C13orf46: variants seen among roughly 807,000 people sequenced by gnomAD.
The protein encoded by C13orf46 is uncharacterized protein C13orf46.
At chr13:113,959,220 T>C (rs2052568082) in intron 6 of C13orf46, among the ~76,000 whole-genome samples, 1 of 152,078 alleles carries the variant, frequency 6.6e-6, no homozygotes, top group East Asian at 1.9e-4. Flanking sequence ...TGCAGTGAGC[T>C]GGGAACACAC....
the C13orf46 span, among the ~76,000 whole-genome samples, chr13:113,939,903 GTCA>G: frequency 6.6e-6 from 1 of 152,216 alleles, no homozygotes; most frequent in African/African-American, 2.4e-5. Flanking sequence ...ACTGGCCTGG[GTCA>G]TCAAGAAACC....
the C13orf46 span, among the ~76,000 whole-genome samples, chr13:113,930,237 A>G: frequency 7.2e-5 from 11 of 152,234 alleles, no homozygotes; most frequent in Non-Finnish European, 1.3e-4. Context: ...CAAGCCCATC[A>G]TCAAACACAC....
downstream of C13orf46, among the ~76,000 whole-genome samples, chr13:113,952,208 C>A (rs1015624437): frequency 2.6e-5 from 4 of 152,188 alleles, no homozygotes; most frequent in Non-Finnish European, 4.4e-5. Context: ...CCGGCAGGGA[C>A]ACAGCCAAGG....
the C13orf46 span, among the ~76,000 whole-genome samples, chr13:113,930,268 G>A: frequency 2.0e-5 from 3 of 152,194 alleles, no homozygotes; most frequent in Non-Finnish European, 4.4e-5. Context: ...ACTTCAGCAG[G>A]ATTTGTGCAC....
chr13:113,946,140 C>A, the C13orf46 span, among the ~76,000 whole-genome samples: 1 of 152,210 alleles, frequency 6.6e-6, no homozygotes, highest in African/African-American at 2.4e-5. Context: ...CAGTGCAGAA[C>A]GGGTTTGGAT....
chr13:113,959,508 G>C (rs910272450), intron 6 of C13orf46, among the ~76,000 whole-genome samples: 34 of 152,308 alleles, frequency 2.2e-4, no homozygotes, highest in African/African-American at 6.7e-4. Flanking sequence ...ACAGGCACTG[G>C]ACAACCAACC....
In C13orf46 at chr13:113,965,003, A is replaced by C. The variant is rs1242995711; in HGVS notation, c.505-9T>G. ...TTGGCATCGGTGACCACCTGTGGGGAGTGGAGACATTTAAGGGATGGGAGG... is the reference window on the plus strand; with the variant it reads ...TTGGCATCGGTGACCACCTGTGGGGCGTGGAGACATTTAAGGGATGGGAGG... On this transcript the variant is annotated splice_polypyrimidine_tract_variant and intron_variant, in intron 5 of 6. Transcript: ENST00000636427. 3.3e-5 allele frequency: 5 copies of C among 152,256 alleles called. No homozygotes were observed. Among genetic ancestry groups the C allele is most frequent in the Non-Finnish European group, 7.3e-5 (5 of 68,104 alleles). The allele number at this position is 152,256 out of a possible 1,614,324, so 9.4% of individuals were successfully genotyped here. A position where few individuals can be genotyped will look rare whatever the true frequency, so the allele number is the denominator to read the frequency against.
At chr13:113,968,046 T>C (rs1350989043) in intron 4 of C13orf46, among the ~76,000 whole-genome samples, 6 of 152,178 alleles carry the variant, frequency 3.9e-5, no homozygotes, top group South Asian at 4.2e-4. Flanking sequence ...GCGTGTCTGG[T>C]TGTGTTACCG....
the C13orf46 span, among the ~76,000 whole-genome samples, chr13:113,945,941 G>T: frequency 6.6e-6 from 1 of 152,206 alleles, no homozygotes; most frequent in South Asian, 2.1e-4. Flanking sequence ...CTGTGGGCTG[G>T]AGTGCAGGGC....
the C13orf46 span, among the ~76,000 whole-genome samples, chr13:113,929,158 G>A: frequency 2.6e-5 from 4 of 152,248 alleles, no homozygotes; most frequent in Admixed American, 2.6e-4. Context: ...GGGAAGCAGA[G>A]GCAGCCATGG....
chr13:113,937,462 C>G, the C13orf46 span, among the ~76,000 whole-genome samples: 1 of 152,172 alleles, frequency 6.6e-6, no homozygotes, highest in East Asian at 1.9e-4. Context: ...GATGCAGCCA[C>G]GACCTCTTCT....
Position 113,955,181 on chromosome 13 carries a change from G to GGTGGAGAGGAGGAGCATCCT in C13orf46, c.*1591_*1592insAGGATGCTCCTCCTCTCCAC. On this transcript the variant is annotated 3_prime_UTR_variant, in exon 7 of 7. Transcript: ENST00000636427. The stretch of plus-strand genomic sequence containing the variant: ...CATCTCGAGGAGAGGAGGAGCATCT[G>GGTGGAGAGGAGGAGCATCCT]GTGGAGAGGAGGAGCATCCCGTGGA... 1.5e-5 allele frequency: 3 copies of GGTGGAGAGGAGGAGCATCCT among 205,428 alleles called. No homozygotes were observed. Among genetic ancestry groups the GGTGGAGAGGAGGAGCATCCT allele is most frequent in the South Asian group, 1.1e-4 (2 of 17,896 alleles). The allele number at this position is 205,428 out of a possible 1,614,324, so 12.7% of individuals were successfully genotyped here. A position where few individuals can be genotyped will look rare whatever the true frequency, so the allele number is the denominator to read the frequency against.
intron 6 of C13orf46, among the ~76,000 whole-genome samples, chr13:113,963,819 A>G (rs1384973843): frequency 6.6e-6 from 1 of 152,200 alleles, no homozygotes; most frequent in Non-Finnish European, 1.5e-5. Flanking sequence ...AATTCCCGTT[A>G]TTGTAAATGA....
downstream of C13orf46, among the ~76,000 whole-genome samples, chr13:113,953,189 C>T (rs947865294): frequency 4.0e-3 from 613 of 152,322 alleles, 4 homozygotes; most frequent in South Asian, 0.019. Context: ...CTGAACAGCT[C>T]GCTCGGGACC....
At chr13:113,952,689 T>C (rs1431223711), downstream of C13orf46, among the ~76,000 whole-genome samples, 1 of 152,158 alleles carries the variant, frequency 6.6e-6, no homozygotes, top group African/African-American at 2.4e-5. Context: ...GGCAGCGTCC[T>C]TCTAGGGGGA....
intron 1 of C13orf46, among the ~76,000 whole-genome samples, chr13:113,971,246 T>C (rs573978010): frequency 2.0e-5 from 3 of 152,280 alleles, no homozygotes; most frequent in Admixed American, 1.3e-4. Flanking sequence ...AAGCTTTAAA[T>C]GATGCTTGTG....
At position 113,966,843 on chromosome 13, in the gene C13orf46, G is replaced by A. The variant is rs2052655585; in HGVS notation, c.504+498C>T. The stretch of plus-strand genomic sequence containing the variant: ...GATGATGATAAGCTTTCCTGGGTGT[G>A]AGGCACTGCTCTGAGAGCTTTCCCA... On this transcript the variant is annotated intron_variant, in intron 5 of 6. Transcript: ENST00000636427. Among the ~76,000 whole-genome samples, 3 of 152,182 alleles carry A rather than the reference G, an allele frequency of 2.0e-5. 1 individual carries two copies. The South Asian group carries it at 6.2e-4, about 32-fold the overall frequency.
chr13:113,941,783 A>G, the C13orf46 span, among the ~76,000 whole-genome samples: 1 of 152,168 alleles, frequency 6.6e-6, no homozygotes, highest in Non-Finnish European at 1.5e-5. Flanking sequence ...CCTGGCCTGG[A>G]GGACCTGCCT....
the C13orf46 span, among the ~76,000 whole-genome samples, chr13:113,943,910 G>A: frequency 1.3e-5 from 2 of 152,166 alleles, no homozygotes; most frequent in East Asian, 1.9e-4. Context: ...CTCCACGAGC[G>A]CGCCTCCTCC....
Sources: gnomAD v4.1 joint callset for allele counts (sites outside exome capture counted in the v4.1 genomes callset) on GRCh38, gnomAD v4.1.1 for gene constraint, MANE v1.5 for transcripts, NCBI Gene and HGNC (gene_info 2026-07-23, HGNC 2026-07-21) for gene names.